The following SAMD5 variants were observed in gnomAD, a reference collection of about 807,000 sequenced individuals.
The protein encoded by SAMD5 is sterile alpha motif domain containing 5.
Under a neutral mutation model 11.3 loss-of-function variants are expected in SAMD5, and 13 were observed. The observed-to-expected ratio is 1.15, with a 90% CI of 0.75 to 1.83. SAMD5 has a LOEUF of 1.83. SAMD5 is among the 40% of genes most tolerant of loss of function. The pLI is 0.00. For missense variants in SAMD5, 255 were observed against 239.1 expected (o/e 1.07, Z -0.44); for synonymous variants, 129 against 111.3 (o/e 1.16, Z -1.00).
the SAMD5 span, among the ~76,000 whole-genome samples, chr6:147,906,813 C>A: frequency 6.6e-6 from 1 of 152,174 alleles, no homozygotes; most frequent in African/African-American, 2.4e-5. Flanking sequence ...CTGTATAACA[C>A]ATTTCTTTTG....
chr6:147,600,484 G>A (rs1254166857), intron 1 of SAMD5, among the ~76,000 whole-genome samples: 1 of 152,174 alleles, frequency 6.6e-6, no homozygotes, highest in East Asian at 1.9e-4. Context: ...CCATTCTTGG[G>A]AGTTTCATAT....
intron 1 of SAMD5, among the ~76,000 whole-genome samples, chr6:147,518,029 T>C (rs1788198484): frequency 6.6e-6 from 1 of 152,182 alleles, no homozygotes; most frequent in Non-Finnish European, 1.5e-5. Context: ...AACACGAAAG[T>C]CAATTCCCCA....
intron 1 of SAMD5, among the ~76,000 whole-genome samples, chr6:147,601,268 G>C (rs547985233): frequency 1.3e-5 from 2 of 152,014 alleles, no homozygotes; most frequent in African/African-American, 2.4e-5. Context: ...AAATCCATCA[G>C]GTTTCTCCCA....
chr6:147,769,213 T>A, the SAMD5 span, among the ~76,000 whole-genome samples: 30 of 152,242 alleles, frequency 2.0e-4, no homozygotes, highest in Non-Finnish European at 5.9e-5. Context: ...AGGTGCCTAG[T>A]ACGTATTAGC....
rs73787003 is a variant in SAMD5, at chr6:147,522,614, C to G, written c.459+13227C>G. Among the ~76,000 whole-genome samples, 752 of 152,276 alleles carry G rather than the reference C, an allele frequency of 4.9e-3. 7 individuals are homozygous for G. Among genetic ancestry groups the G allele is most frequent in the African/African-American group, 0.017 (715 of 41,542 alleles). ...TGTGAGATGAGGAATTCATAATAAT[C>G]TTACTCCAAGACCATTATACATTCT... On this transcript the variant is annotated intron_variant, in intron 1 of 1. Coordinates refer to ENST00000367474, the MANE Select transcript of SAMD5 (RefSeq NM_001030060.3).
Position 147,509,379 on chromosome 6 carries a change from T to C in SAMD5, c.451T>C (p.Ser151Pro). 6.5e-7 allele frequency: 1 copy of C among 1,544,860 alleles called. No homozygotes were observed. The highest frequency in any genetic ancestry group is 2.6e-5 in the East Asian group (1 of 38,506). ...CATCCACCTGAGCAAGCCCCCGTAC[T>C]CCCGCAAGGTAAGGAGGTGCCGTCC... ...DGIHLSKPPY[S>P]RKVPMAGILE... Residue 151 changes from serine to proline, a missense_variant, in exon 1 of 2, where the codon TCC (serine) becomes CCC (proline). Coordinates refer to ENST00000367474, the MANE Select transcript of SAMD5 (RefSeq NM_001030060.3).
At chr6:147,739,376 A>T (rs775595723), downstream of SAMD5, among the ~76,000 whole-genome samples, 2 of 152,194 alleles carry the variant, frequency 1.3e-5, no homozygotes, top group Non-Finnish European at 2.9e-5. Flanking sequence ...CCGGAAGACC[A>T]TTTGAGCCCA....
chr6:147,750,141 T>C, the SAMD5 span, among the ~76,000 whole-genome samples: 1 of 152,218 alleles, frequency 6.6e-6, no homozygotes, highest in Admixed American at 6.5e-5. Flanking sequence ...AAACACAGCC[T>C]CTACCTGCTT....
chr6:147,734,526 C>T (rs1275263957), intron 1 of SAMD5, among the ~76,000 whole-genome samples: 3 of 151,822 alleles, frequency 2.0e-5, no homozygotes, highest in Non-Finnish European at 2.9e-5. Context: ...ACCATCCTGA[C>T]TAACACTGTG....
At chr6:147,792,091 G>T in the SAMD5 span, among the ~76,000 whole-genome samples, 2 of 152,128 alleles carry the variant, frequency 1.3e-5, no homozygotes, top group African/African-American at 2.4e-5. Context: ...GAGATTGGGG[G>T]AATCTCAGGG....
intron 1 of SAMD5, among the ~76,000 whole-genome samples, chr6:147,630,399 G>T (rs145407606): frequency 0.018 from 2,736 of 152,284 alleles, 73 homozygotes; most frequent in African/African-American, 0.062. Flanking sequence ...GTCCAAGCCT[G>T]CACGTATTTG....
At chr6:147,592,686 T>C (rs1789473419) in intron 1 of SAMD5, among the ~76,000 whole-genome samples, 1 of 151,826 alleles carries the variant, frequency 6.6e-6, no homozygotes, top group African/African-American at 2.4e-5. Context: ...GGCAAGATGC[T>C]TAGCATTTCT....
At chr6:147,574,492 T>A (rs1296211482), downstream of SAMD5, among the ~76,000 whole-genome samples, 2 of 152,166 alleles carry the variant, frequency 1.3e-5, no homozygotes, top group African/African-American at 4.8e-5. Flanking sequence ...CAGTAGAAGA[T>A]TGACAAAGTT....
At chr6:147,554,822 C>T (rs1272462919) in intron 1 of SAMD5, among the ~76,000 whole-genome samples, 1 of 152,118 alleles carries the variant, frequency 6.6e-6, no homozygotes, top group Non-Finnish European at 1.5e-5. Context: ...TTTGTGATGC[C>T]TACCTTAACT....
chr6:147,750,370 T>C, the SAMD5 span, among the ~76,000 whole-genome samples: 491 of 152,316 alleles, frequency 3.2e-3, 2 homozygotes, highest in African/African-American at 0.011. Flanking sequence ...CCAATCTGGG[T>C]TATTATGTTA....
chr6:147,894,838 C>T, the SAMD5 span, among the ~76,000 whole-genome samples: 1 of 152,176 alleles, frequency 6.6e-6, no homozygotes, highest in Non-Finnish European at 1.5e-5. Context: ...ACTACCTCTC[C>T]AGCAAGTGGC....
In SAMD5 at chr6:147,588,110, C is replaced by T. The variant is rs775483300; in HGVS notation, c.162+78723C>T. Among the ~76,000 whole-genome samples, 17 of 151,816 alleles carry T rather than the reference C, an allele frequency of 1.1e-4. No homozygotes were observed. The South Asian group carries it at 3.3e-3, about 30-fold the overall frequency. On this transcript the variant is annotated intron_variant, in intron 1 of 1. Coordinates refer to the SAMD5 transcript ENST00000566741. ...AGGGGAAACAAGCAATAATGTCAGG[C>T]AGTTGAAGGCTAAGGAACAAAGTCC...
chr6:147,827,191 G>A, the SAMD5 span, among the ~76,000 whole-genome samples: 4 of 152,134 alleles, frequency 2.6e-5, no homozygotes. Flanking sequence ...TTGAGTAGAA[G>A]CATAAGTTAG....
chr6:147,722,840 G>A (rs1791574928), intron 1 of SAMD5, among the ~76,000 whole-genome samples: 1 of 152,174 alleles, frequency 6.6e-6, no homozygotes, highest in African/African-American at 2.4e-5. Flanking sequence ...GGCCATTATT[G>A]TAGGTGGTTG....
Sources: allele counts gnomAD v4.1 joint callset (sites outside exome capture counted in the v4.1 genomes callset), GRCh38; gene constraint gnomAD v4.1.1; transcripts MANE v1.5; gene names NCBI Gene and HGNC (gene_info 2026-07-23, HGNC 2026-07-21).